Variants in EGFR observed in about 807,000 individuals in gnomAD.
EGFR encodes the protein avian erythroblastic leukemia viral (v-erb-b) oncogene homolog.
Under a neutral mutation model 143.0 loss-of-function variants are expected in EGFR, and 58 were observed. The ratio of observed to expected loss-of-function variants is 0.41; its 90% confidence interval spans 0.33 to 0.50. EGFR has a LOEUF of 0.50. Among genes scored for constraint, EGFR ranks in the 20% least tolerant of loss-of-function variants. EGFR has a pLI of 0.39. For missense variants in EGFR, 1,307 were observed against 1,579.0 expected (o/e 0.83, Z 2.92); for synonymous variants, 613 against 594.4 (o/e 1.03, Z -0.45).
At chr7:55,129,439 A>C (rs1032041234) in intron 1 of EGFR, among the ~76,000 whole-genome samples, 2 of 152,266 alleles carry the variant, frequency 1.3e-5, no homozygotes, top group African/African-American at 4.8e-5. Context: ...GCTTAACATA[A>C]GGAACAATTA....
At chr7:55,170,861 G>A (rs1786314588) in intron 15 of EGFR, 1 of 1,411,178 alleles carries the variant, frequency 7.1e-7, no homozygotes, top group African/African-American at 1.4e-5. Context: ...AAATTCTAGA[G>A]CCAGCTGTGG....
intron 16 of EGFR, chr7:55,172,751 T>A: frequency 8.1e-7 from 1 of 1,236,008 alleles, no homozygotes; most frequent in Non-Finnish European, 1.1e-6. Context: ...AGCCTCAATT[T>A]TAAAAAATGA....
rs181231844 is a variant in EGFR at position 55,126,770 on chromosome 7, A to G, written c.89-15516A>G. Among the ~76,000 whole-genome samples, 6 of 152,350 alleles carry G rather than the reference A, an allele frequency of 3.9e-5. No homozygotes were observed. The East Asian group carries it at 1.2e-3, about 29-fold the overall frequency. ...GTACTGGATATACATGAATTAGAAA[A>G]TCTAGATTATTAGCAAATGCAAACT... On this transcript the variant is annotated intron_variant, in intron 1 of 27. Coordinates refer to ENST00000275493, the MANE Select transcript of EGFR (RefSeq NM_005228.5).
chr7:55,121,680 T>C (rs1562733448), intron 1 of EGFR, among the ~76,000 whole-genome samples: 1 of 152,220 alleles, frequency 6.6e-6, no homozygotes, highest in Non-Finnish European at 1.5e-5. Context: ...TATCACATAA[T>C]GGTGACTTTG....
At chr7:55,142,721 T>C (rs1458211612) in intron 2 of EGFR, among the ~76,000 whole-genome samples, 1 of 152,236 alleles carries the variant, frequency 6.6e-6, no homozygotes, top group Non-Finnish European at 1.5e-5. Context: ...GCTGCCATAC[T>C]CGCTCTTAAA....
At chr7:55,039,529 A>G (rs558140693) in intron 1 of EGFR, among the ~76,000 whole-genome samples, 8 of 152,312 alleles carry the variant, frequency 5.3e-5, no homozygotes, top group African/African-American at 1.7e-4. Context: ...GGCACAGAGC[A>G]TGTCAGGTCC....
intron 4 of EGFR, 73 bp from the exon 5 acceptor site, chr7:55,151,221 C>A: frequency 6.9e-7 from 1 of 1,448,932 alleles, no homozygotes; most frequent in Non-Finnish European, 9.7e-7. Context: ...GTGCTTAACT[C>A]AGGCCCGGGA....
At chr7:55,035,613 A>C (rs1412173626) in intron 1 of EGFR, among the ~76,000 whole-genome samples, 1 of 151,708 alleles carries the variant, frequency 6.6e-6, no homozygotes, top group African/African-American at 2.4e-5. Context: ...TGAATCCAGG[A>C]AGCAGAGGTT....
chr7:55,201,138 G>C (rs1787828227), intron 24 of EGFR, 50 bp from the exon 25 acceptor site: 1 of 1,612,908 alleles, frequency 6.2e-7, no homozygotes, highest in African/African-American at 1.3e-5. Flanking sequence ...CCAAGAAGTG[G>C]AATAGCATCT....
In EGFR at chr7:55,068,018, G is replaced by A. The variant is rs548749769; in HGVS notation, c.88+48653G>A. 6.6e-5 allele frequency among the ~76,000 whole-genome samples: 10 copies of A among 151,060 alleles called. 2 individuals are homozygous for A. The highest frequency in any genetic ancestry group is 2.5e-4 in the African/African-American group (10 of 40,524). On this transcript the variant is annotated intron_variant, in intron 1 of 27. Transcript: ENST00000275493. ...TATGTGTGTCTGTGGGCACAGGTGT[G>A]CCTGTGTGTATGTGTATATGTGTAT...
At chr7:55,058,535 G>T (rs1008486084) in intron 1 of EGFR, among the ~76,000 whole-genome samples, 1 of 152,108 alleles carries the variant, frequency 6.6e-6, no homozygotes, top group African/African-American at 2.4e-5. Context: ...CCATAAAAAA[G>T]AACAAGATCA....
At chr7:55,066,297 C>T (rs1352788364) in intron 1 of EGFR, among the ~76,000 whole-genome samples, 1 of 152,202 alleles carries the variant, frequency 6.6e-6, no homozygotes, top group East Asian at 1.9e-4. Context: ...CATTTGATAA[C>T]TAATGAGGCA....
At chr7:55,108,561 G>A (rs896339499) in intron 1 of EGFR, among the ~76,000 whole-genome samples, 1 of 152,228 alleles carries the variant, frequency 6.6e-6, no homozygotes, top group African/African-American at 2.4e-5. Context: ...ATAGCAGTAG[G>A]CTGAAGGCAA....
At chr7:55,153,926 G>A in intron 6 of EGFR, 85 bp from the exon 7 acceptor site, 1 of 1,596,538 alleles carries the variant, frequency 6.3e-7, no homozygotes, top group South Asian at 1.1e-5. Context: ...TTTCTGACGG[G>A]AGTCAACACC....
chr7:55,114,216 C>T (rs1792691647), intron 1 of EGFR, among the ~76,000 whole-genome samples: 1 of 152,180 alleles, frequency 6.6e-6, no homozygotes. Context: ...AACAGTATAT[C>T]CTGAGATATT....
intron 1 of EGFR, among the ~76,000 whole-genome samples, chr7:55,086,163 G>A (rs538979026): frequency 6.6e-6 from 1 of 152,274 alleles, no homozygotes; most frequent in East Asian, 1.9e-4. Context: ...CCATGTTACT[G>A]CCGAGGAAAG....
intron 1 of EGFR, among the ~76,000 whole-genome samples, chr7:55,066,728 A>G (rs2128881517): frequency 6.6e-6 from 1 of 152,276 alleles, no homozygotes; most frequent in East Asian, 1.9e-4. Flanking sequence ...GTGGATTCAC[A>G]AGTAAGCAAG....
intron 1 of EGFR, among the ~76,000 whole-genome samples, chr7:55,083,412 C>T (rs1790579711): frequency 1.3e-5 from 2 of 152,238 alleles, no homozygotes; most frequent in Non-Finnish European, 2.9e-5. Context: ...ACTCACTCCA[C>T]TGTGGCCTCC....
chr7:55,160,948 T>G (rs954698605), intron 12 of EGFR, among the ~76,000 whole-genome samples: 1 of 152,226 alleles, frequency 6.6e-6, no homozygotes, highest in South Asian at 2.1e-4. Context: ...AATTCCTGTG[T>G]GTAAAACCCT....
Sources: gnomAD v4.1 joint callset for allele counts (sites outside exome capture counted in the v4.1 genomes callset) on GRCh38, gnomAD v4.1.1 for gene constraint, MANE v1.5 for transcripts, NCBI Gene and HGNC (gene_info 2026-07-23, HGNC 2026-07-21) for gene names.